KIF21B: variants seen among roughly 807,000 people sequenced by gnomAD.
The protein encoded by KIF21B is kinesin-like protein KIF21B.
KIF21B carries 85 observed loss-of-function variants against 192.9 expected under a neutral mutation model. The observed-to-expected ratio is 0.44, with a 90% CI of 0.37 to 0.53. KIF21B has a LOEUF of 0.53. Ranked by LOEUF, KIF21B falls within the 20% of genes least tolerant of loss-of-function variation. The pLI is 0.00. For synonymous variants in KIF21B, 832 were observed against 884.6 expected (o/e 0.94, Z 1.05); for missense variants, 1,716 against 2,194.8 (o/e 0.78, Z 4.36).
Position 201,023,498 on chromosome 1 carries a change from TGCG to T in KIF21B, c.-118_-116del, listed in dbSNP as rs948062065. The T allele has an allele frequency of 2.9e-3, 1,951 of 679,800 alleles. No homozygotes were observed. Among genetic ancestry groups the T allele is most frequent in the South Asian group, 4.2e-3 (65 of 15,626 alleles). 42.1% of individuals were successfully genotyped at this position (679,800 alleles called of 1,614,324 possible). A position where few individuals can be genotyped will look rare whatever the true frequency, so the allele number is the denominator to read the frequency against. On this transcript the variant is annotated 5_prime_UTR_variant, in exon 1 of 35. Transcript: ENST00000461742. The surrounding 1 kb of genome is among the most constrained non-coding windows in gnomAD (Gnocchi z 5.9). ...GGGCGCGGGCGCGGCTGGCGGAGGC[TGCG>T]GCGGCGGCGGCTGGAGGTGACATGC...
At chr1:200,979,973 C>T (rs1329364554) in intron 29 of KIF21B, among the ~76,000 whole-genome samples, 12 of 152,200 alleles carry the variant, frequency 7.9e-5, no homozygotes, top group Admixed American at 7.9e-4. Flanking sequence ...TCCACTAACA[C>T]CAGAGTTTTG....
intron 1 of KIF21B, among the ~76,000 whole-genome samples, chr1:201,010,467 A>G (rs1227335570): frequency 6.6e-6 from 1 of 152,068 alleles, no homozygotes; most frequent in Admixed American, 6.5e-5. Context: ...AGCCATCACC[A>G]CGACATGGTT....
chr1:200,980,909 G>A, intron 29 of KIF21B, 51 bp downstream of exon 29: 6 of 1,585,344 alleles, frequency 3.8e-6, no homozygotes, highest in Non-Finnish European at 5.1e-6. Context: ...AAAGGAAGCA[G>A]GGGTGAGTAG....
chr1:201,023,402 T>C lies in KIF21B; in HGVS notation c.-19A>G, dbSNP rs1442782758. On this transcript the variant is annotated 5_prime_UTR_variant, in exon 1 of 35. Coordinates refer to ENST00000461742, the MANE Select transcript of KIF21B (RefSeq NM_001252102.2). This position sits in a 1 kb window ranked among gnomAD's most constrained non-coding sequence, Gnocchi z 5.9. ...CGGCCATGGCCCTCTGGAGCTAGGG[T>C]CTGGGCGTGGATCAGAGGCGGGGGT... 4.7e-6 allele frequency: 7 copies of C among 1,492,944 alleles called. No homozygotes were observed. The African/African-American group carries it at 8.7e-5, about 19-fold the overall frequency. 92.5% of individuals were successfully genotyped at this position (1,492,944 alleles called of 1,614,324 possible). A position where few individuals can be genotyped will look rare whatever the true frequency, so the allele number is the denominator to read the frequency against.
Position 200,999,626 on chromosome 1 carries a change from C to T in KIF21B, c.1768-160G>A, listed in dbSNP as rs1410740659. Among the ~76,000 whole-genome samples the T allele has an allele frequency of 2.0e-5, 3 of 151,846 alleles. No individual in the cohort carries two copies. The highest frequency in any genetic ancestry group is 4.8e-5 in the African/African-American group (2 of 41,328). ...CCACCCCCTACTCCTGGAAGAGTGC[C>T]GCCTCCCCCAACACCACCGCAGAAC... is the stretch of plus-strand genomic sequence containing the variant. On this transcript the variant is annotated intron_variant, in intron 12 of 34. Transcript: ENST00000461742. The surrounding 1 kb of genome is among the most constrained non-coding windows in gnomAD (Gnocchi z 4.7).
At position 200,983,040 on chromosome 1, in the gene KIF21B, G is replaced by C. The variant is rs1361210682; in HGVS notation, c.3842+16C>G. On this transcript the variant is annotated intron_variant, in intron 28 of 34. Coordinates refer to ENST00000461742, the MANE Select transcript of KIF21B (RefSeq NM_001252102.2). ...TGAGAGTGGGGAACCAAACACGAGA[G>C]ACATTCTGTGTGTACCTCAGGACCT... is the stretch of plus-strand genomic sequence containing the variant. 1 of 1,535,598 alleles carries C rather than the reference G, an allele frequency of 6.5e-7. No homozygotes were observed. Among genetic ancestry groups the C allele is most frequent in the South Asian group, 1.2e-5 (1 of 84,048 alleles).
At chr1:200,991,453 T>C (rs1571932619) in intron 17 of KIF21B, among the ~76,000 whole-genome samples, 1 of 152,256 alleles carries the variant, frequency 6.6e-6, no homozygotes, top group Non-Finnish European at 1.5e-5. Flanking sequence ...ACACCAAATA[T>C]GCTTGCTGAA....
At chr1:201,011,620 G>A (rs1658241923) in intron 1 of KIF21B, among the ~76,000 whole-genome samples, 1 of 152,230 alleles carries the variant, frequency 6.6e-6, no homozygotes, top group African/African-American at 2.4e-5. Context: ...TACTGAACAG[G>A]AAACTGTCTT....
chr1:200,999,781 C>T lies in KIF21B; in HGVS notation c.1767+102G>A, dbSNP rs529073767. 95 of 1,173,866 alleles carry T rather than the reference C, an allele frequency of 8.1e-5. No individual in the cohort carries two copies. The highest frequency in any genetic ancestry group is 5.5e-4 in the South Asian group (45 of 81,334). 72.7% of individuals were successfully genotyped at this position (1,173,866 alleles called of 1,614,324 possible). On this transcript the variant is annotated intron_variant, in intron 12 of 34. Transcript: ENST00000461742. The surrounding 1 kb of genome is among the most constrained non-coding windows in gnomAD (Gnocchi z 4.7). ...AGGATCAACTGGATGCAGACCCAAC[C>T]GCCTCCTTCACTCCATACAAGGATG... is the stretch of plus-strand genomic sequence containing the variant.
intron 1 of KIF21B, among the ~76,000 whole-genome samples, chr1:201,010,076 G>C (rs1658142645): frequency 6.6e-6 from 1 of 152,238 alleles, no homozygotes; most frequent in Admixed American, 6.5e-5. Context: ...CTAAGTTCTA[G>C]AGGAGGCCAG....
At chr1:201,020,512 T>C (rs1658756877) in intron 1 of KIF21B, among the ~76,000 whole-genome samples, 1 of 152,066 alleles carries the variant, frequency 6.6e-6, no homozygotes, top group Non-Finnish European at 1.5e-5. Context: ...AGCCTGGGAA[T>C]CCCTTGGTGC....
rs1448449779 is a variant in KIF21B, at chr1:200,996,069, G to C, written c.2277+127C>G. ...CAAGGGCCAAGACAGGGTCAAACTAGGTTAATGCTGTGTGTTGAGAAGAGA... is the reference window on the plus strand; with the variant it reads ...CAAGGGCCAAGACAGGGTCAAACTACGTTAATGCTGTGTGTTGAGAAGAGA... On this transcript the variant is annotated intron_variant, in intron 15 of 34. Transcript: ENST00000461742. 5 of 986,038 alleles carry C rather than the reference G, an allele frequency of 5.1e-6. No individual in the cohort carries two copies. The African/African-American group carries it at 8.0e-5, about 16-fold the overall frequency. The allele number at this position is 986,038 out of a possible 1,614,324, so 61.1% of individuals were successfully genotyped here.
At chr1:200,991,175 A>T in intron 17 of KIF21B, 26 bp from the exon 18 acceptor site, 1 of 1,595,710 alleles carries the variant, frequency 6.3e-7, no homozygotes, top group Non-Finnish European at 8.6e-7. Context: ...GAAAAGAGGG[A>T]GCCGGTGAGC....
rs1264383785 is a variant in KIF21B, at chr1:201,002,190, T to C, written c.1373A>G (p.Gln458Arg). 2 of 1,614,070 alleles carry C rather than the reference T, an allele frequency of 1.2e-6. No individual in the cohort carries two copies. Among genetic ancestry groups the C allele is most frequent in the Non-Finnish European group, 1.7e-6 (2 of 1,180,046 alleles). Residue 458 changes from glutamine to arginine, a missense_variant, in exon 9 of 35, where the codon CAG becomes CGG. Physicochemically the swap from Gln to Arg is conservative, Grantham distance 43. This residue lies in a region of KIF21B where 1,087 missense variants were observed against 1,316.6 expected (regional missense o/e 0.83). Transcript: ENST00000461742. Reference protein sequence around the residue: ...INNRVTQLMSQEANLLLAKAG... With the variant: ...INNRVTQLMSREANLLLAKAG... ...CTTGGCTAGCAGCAGGTTGGCCTCCTGGCTCATGAGCTGGGTGACGCGGTT... is the reference window on the plus strand; with the variant it reads ...CTTGGCTAGCAGCAGGTTGGCCTCCCGGCTCATGAGCTGGGTGACGCGGTT...
intron 15 of KIF21B, among the ~76,000 whole-genome samples, chr1:200,995,816 C>T (rs545148928): frequency 8.5e-5 from 13 of 152,306 alleles, no homozygotes; most frequent in African/African-American, 3.1e-4. Flanking sequence ...TTACTATTAT[C>T]ACTCAGGGCC....
rs755226578 is a variant in KIF21B, at chr1:201,002,260, G to A, written c.1303C>T (p.Arg435Trp). 5.6e-6 allele frequency: 9 copies of A among 1,614,148 alleles called. No individual in the cohort carries two copies. The highest frequency in any genetic ancestry group is 7.6e-6 in the Non-Finnish European group (9 of 1,180,016). The stretch of plus-strand genomic sequence containing the variant: ...TCCTGCATGGCTTTCACCCGCAGCC[G>A]CAGGGCCCCATTCTCCTTCTGTAGC... ...AMLQKENGAL[R>W]LRVKAMQEAI... Residue 435 changes from arginine (R) to tryptophan (W), a missense_variant, in exon 9 of 35, where the codon CGG (arginine) becomes TGG (tryptophan). Physicochemically the swap from Arg to Trp is moderately radical, Grantham distance 101 (BLOSUM62 -3). Transcript: ENST00000461742.
intron 28 of KIF21B, 75 bp from the exon 29 acceptor site, chr1:200,981,171 G>A: frequency 1.3e-6 from 2 of 1,482,864 alleles, no homozygotes; most frequent in Non-Finnish European, 1.8e-6. Context: ...AGGCACGTGT[G>A]TGGGATGGGG....
intron 3 of KIF21B, 97 bp from the exon 4 acceptor site, chr1:201,005,791 A>G (rs1487628422): frequency 5.4e-6 from 7 of 1,298,976 alleles, no homozygotes; most frequent in Non-Finnish European, 7.5e-6. Context: ...ACAGATGTGG[A>G]AACTGAGGCT....
chr1:200,987,670 G>A (rs929375261), intron 24 of KIF21B, among the ~76,000 whole-genome samples: 2 of 152,248 alleles, frequency 1.3e-5, no homozygotes, highest in African/African-American at 4.8e-5. Context: ...AGAATCCAGA[G>A]CAACTGAAAT....
Sources: gnomAD v4.1 joint callset for allele counts (sites outside exome capture counted in the v4.1 genomes callset) on GRCh38, gnomAD v4.1.1 for gene constraint, gnomAD v4.1.1 regional missense constraint, Gnocchi (gnomAD v3.1) non-coding constraint, MANE v1.5 for transcripts, NCBI Gene and HGNC (gene_info 2026-07-23, HGNC 2026-07-21) for gene names.